MALRD1: variants seen among roughly 807,000 people sequenced by gnomAD.
MALRD1 encodes MAM and LDL receptor class A domain containing 1, also known as MAM and LDL-receptor class A domain-containing protein 1.
A neutral mutation model predicts 242.1 loss-of-function variants in MALRD1; 247 were observed. The ratio of observed to expected loss-of-function variants is 1.02; its 90% CI spans 0.92 to 1.13. The LOEUF (loss-of-function observed/expected upper bound fraction) is 1.13, where lower values mean the gene tolerates loss of function less well. Ranked by LOEUF, MALRD1 falls within the 50% of genes most tolerant of loss-of-function variation. The pLI, the probability that MALRD1 is intolerant of heterozygous loss-of-function variation, is 0.00. For missense variants in MALRD1, 2,989 were observed against 2,533.1 expected, an observed-to-expected ratio of 1.18 and a Z score of -3.86; for synonymous variants, 995 against 866.6, an observed-to-expected ratio of 1.15 and a Z score of -2.60.
At chr10:19,354,341 A>C (rs1844527858) in intron 26 of MALRD1, among the ~76,000 whole-genome samples, 1 of 152,192 alleles carries the variant, frequency 6.6e-6, no homozygotes, top group East Asian at 1.9e-4. Context: ...AATTGCTCTT[A>C]AAAATAATAC....
intron 5 of MALRD1, among the ~76,000 whole-genome samples, chr10:19,110,608 G>A (rs1182222149): frequency 6.6e-6 from 1 of 152,122 alleles, no homozygotes; most frequent in Non-Finnish European, 1.5e-5. Context: ...GCTAACTGAA[G>A]GCAATGCAGC....
chr10:19,619,407 A>G (rs190691032), intron 36 of MALRD1, among the ~76,000 whole-genome samples: 240 of 152,168 alleles, frequency 1.6e-3, no homozygotes, highest in Middle Eastern at 3.4e-3. Context: ...CTAGCTATCT[A>G]AAAAATGCAT....
chr10:19,644,843 T>C (rs1024320029), intron 36 of MALRD1, among the ~76,000 whole-genome samples: 2 of 152,206 alleles, frequency 1.3e-5, no homozygotes, highest in Non-Finnish European at 2.9e-5. Flanking sequence ...TGTCTACTTG[T>C]AAGTAATATT....
At chr10:19,378,558 C>G (rs1009001313) in intron 26 of MALRD1, among the ~76,000 whole-genome samples, 1 of 152,112 alleles carries the variant, frequency 6.6e-6, no homozygotes, top group East Asian at 1.9e-4. Flanking sequence ...TTTCAGAAGA[C>G]AAATATTTTT....
chr10:19,274,038 G>A (rs1443215498), intron 19 of MALRD1, among the ~76,000 whole-genome samples: 2 of 152,148 alleles, frequency 1.3e-5, no homozygotes, highest in African/African-American at 2.4e-5. Context: ...GGACTGTAAA[G>A]TGGTTTAGCC....
chr10:19,262,381 C>T lies in MALRD1; in HGVS notation c.3079+4610C>T, dbSNP rs779246567. Among the ~76,000 whole-genome samples, 32 of 152,038 alleles carry T rather than the reference C, an allele frequency of 2.1e-4. 1 individual carries two copies. The highest frequency in any genetic ancestry group is 4.3e-4 in the Non-Finnish European group (29 of 67,992). ...TGTGTGGTAAGAGAACTTGGCCGGGCCCGGTGGCTCATGCATGTAATCCTA... is the reference window on the plus strand; with the variant it reads ...TGTGTGGTAAGAGAACTTGGCCGGGTCCGGTGGCTCATGCATGTAATCCTA... On this transcript the variant is annotated intron_variant, in intron 19 of 39. Coordinates refer to ENST00000454679, the MANE Select transcript of MALRD1 (RefSeq NM_001142308.3).
chr10:19,469,976 T>C (rs1836415402), intron 29 of MALRD1, among the ~76,000 whole-genome samples: 1 of 152,058 alleles, frequency 6.6e-6, no homozygotes, highest in Non-Finnish European at 1.5e-5. Flanking sequence ...ACATAAGGTC[T>C]ACCTTCTTAG....
In MALRD1 at chr10:19,228,865, C is replaced by T. The variant is rs913890934; in HGVS notation, c.2991+19185C>T. ...TTGAAGACTTTACTTCAAAAAGGCA[C>T]GTAGTTTTGCAACATTTTTGGTAAG... On this transcript the variant is annotated intron_variant, in intron 18 of 39. Coordinates refer to ENST00000454679, the MANE Select transcript of MALRD1 (RefSeq NM_001142308.3). Among the ~76,000 whole-genome samples the T allele has an allele frequency of 2.9e-4, 44 of 151,926 alleles. No homozygotes were observed. The East Asian group carries it at 2.9e-3, about 10-fold the overall frequency.
intron 21 of MALRD1, among the ~76,000 whole-genome samples, chr10:19,320,041 CTTTTTT>C (rs34481531): frequency 2.7e-5 from 2 of 73,070 alleles, no homozygotes; most frequent in Non-Finnish European, 4.8e-5. Flanking sequence ...TATAAAACTG[CTTTTTT>C]TTTTTTTTTT....
At chr10:19,167,747 A>G (rs1440023837) in intron 13 of MALRD1, among the ~76,000 whole-genome samples, 2 of 152,038 alleles carry the variant, frequency 1.3e-5, no homozygotes, top group Non-Finnish European at 2.9e-5. Context: ...GGAGAAGAGG[A>G]TGAATCGAGC....
chr10:19,585,061 T>TTAAAA (rs199689574), intron 33 of MALRD1, among the ~76,000 whole-genome samples: 13 of 151,484 alleles, frequency 8.6e-5, no homozygotes, highest in East Asian at 5.8e-4. Flanking sequence ...TGCCTTTTTT[T>TTAAAA]GTTTTCCATT....
chr10:19,484,418 G>GT (rs975897290), intron 29 of MALRD1, among the ~76,000 whole-genome samples: 1 of 152,052 alleles, frequency 6.6e-6, no homozygotes, highest in South Asian at 2.1e-4. Context: ...TCAGTTTTCA[G>GT]TTTTTTTAAA....
intron 21 of MALRD1, among the ~76,000 whole-genome samples, chr10:19,299,446 T>C (rs1258178499): frequency 2.6e-5 from 4 of 151,902 alleles, no homozygotes; most frequent in Non-Finnish European, 5.9e-5. Flanking sequence ...CATTAGATAA[T>C]AAAGGGTACA....
chr10:19,734,457 A>C lies in MALRD1; in HGVS notation c.*220A>C. ...TCTTCACTGAACATCTGAATATTTT[A>C]ATAAAATTTCTATTTAATCAAGTTT... On this transcript the variant is annotated 3_prime_UTR_variant, in exon 40 of 40. Coordinates refer to ENST00000454679, the MANE Select transcript of MALRD1 (RefSeq NM_001142308.3). 2.9e-6 allele frequency: 1 copy of C among 344,228 alleles called. No individual in the cohort carries two copies. Among genetic ancestry groups the C allele is most frequent in the South Asian group, 1.3e-4 (1 of 7,820 alleles). 21.3% of individuals were successfully genotyped at this position (344,228 alleles called of 1,614,324 possible).
chr10:19,512,898 T>C (rs1336572013), intron 31 of MALRD1, among the ~76,000 whole-genome samples: 1 of 152,146 alleles, frequency 6.6e-6, no homozygotes, highest in East Asian at 1.9e-4. Context: ...TAATGGAAGA[T>C]TTAAGGACTC....
chr10:19,680,027 T>C (rs1346515833), intron 36 of MALRD1, among the ~76,000 whole-genome samples: 1 of 152,186 alleles, frequency 6.6e-6, no homozygotes, highest in African/African-American at 2.4e-5. Flanking sequence ...TTTGTTTCTT[T>C]TGCATTTGCT....
intron 36 of MALRD1, among the ~76,000 whole-genome samples, chr10:19,683,822 AC>A (rs1842468915): frequency 6.6e-6 from 1 of 152,230 alleles, no homozygotes; most frequent in African/African-American, 2.4e-5. Flanking sequence ...CAGGATTGCT[AC>A]ATAGGTATAC....
Position 19,172,081 on chromosome 10 carries a change from T to TA in MALRD1, c.1831-3127_1831-3126insA, listed in dbSNP as rs200095764. Among the ~76,000 whole-genome samples, 8 of 106,582 alleles carry TA rather than the reference T, an allele frequency of 7.5e-5. 1 individual carries two copies. The highest frequency in any genetic ancestry group is 3.2e-4 in the East Asian group (1 of 3,092). The allele number at this position is 106,582 out of a possible 152,430, so 69.9% of individuals were successfully genotyped here. A position where few individuals can be genotyped will look rare whatever the true frequency, so the allele number is the denominator to read the frequency against. On this transcript the variant is annotated intron_variant, in intron 13 of 39. Transcript: ENST00000454679. Reference sequence around the variant, plus strand: ...ACATATATGTGATATATATCATATATCACATATGTGTATATGTATCAGTTT... The same window carrying TA: ...ACATATATGTGATATATATCATATATACACATATGTGTATATGTATCAGTTT...
chr10:19,219,443 T>A (rs184629209), intron 18 of MALRD1, among the ~76,000 whole-genome samples: 2 of 152,278 alleles, frequency 1.3e-5, no homozygotes, highest in East Asian at 3.9e-4. Context: ...TTTCTTCTTT[T>A]TTATTTTTTT....
Sources: gnomAD v4.1 joint callset for allele counts (sites outside exome capture counted in the v4.1 genomes callset) on GRCh38, gnomAD v4.1.1 for gene constraint, MANE v1.5 for transcripts, NCBI Gene and HGNC (gene_info 2026-07-23, HGNC 2026-07-21) for gene names.